PDE4D: variants seen among roughly 807,000 people sequenced by gnomAD.
PDE4D encodes the protein phosphodiesterase 4D, also known as 3',5'-cyclic-AMP phosphodiesterase 4D.
Under a neutral mutation model 87.4 loss-of-function variants are expected in PDE4D, and 24 were observed. The ratio of observed to expected loss-of-function variants is 0.27; its 90% CI spans 0.20 to 0.39. The LOEUF is 0.39. Among genes scored for constraint, PDE4D ranks in the 10% least tolerant of loss-of-function variants. The probability of loss-of-function intolerance (pLI) is 1.00; values close to 1 mark genes in which losing one functional copy is unlikely to be tolerated. For synonymous variants in PDE4D, 384 were observed against 383.2 expected, an observed-to-expected ratio of 1.00 and a Z score of -0.02; for missense variants, 714 against 1,041.0, an observed-to-expected ratio of 0.69 and a Z score of 4.32.
chr5:59,328,113 A>C (rs2153575305), intron 1 of PDE4D, among the ~76,000 whole-genome samples: 1 of 152,326 alleles, frequency 6.6e-6, no homozygotes, highest in South Asian at 2.1e-4. Flanking sequence ...TTTTATTAGA[A>C]ATAGCACAAT....
intron 2 of PDE4D, among the ~76,000 whole-genome samples, chr5:59,992,418 C>G (rs143986201): frequency 1.2e-3 from 184 of 152,266 alleles, no homozygotes; most frequent in African/African-American, 4.2e-3. Context: ...TAACAAACTC[C>G]CTTTCACATA....
intron 1 of PDE4D, among the ~76,000 whole-genome samples, chr5:59,793,596 A>T (rs925169624): frequency 1.3e-5 from 2 of 152,246 alleles, no homozygotes; most frequent in Admixed American, 1.3e-4. Flanking sequence ...AGCCTTTTAA[A>T]GGATGAAGAT....
At chr5:59,658,624 G>A (rs772202891) in intron 1 of PDE4D, among the ~76,000 whole-genome samples, 5 of 152,060 alleles carry the variant, frequency 3.3e-5, no homozygotes, top group African/African-American at 7.2e-5. Context: ...CTGGTGATCC[G>A]CCTGCCTCGG....
At chr5:59,651,274 A>AATG in intron 1 of PDE4D, among the ~76,000 whole-genome samples, 1 of 142,690 alleles carries the variant, frequency 7.0e-6, no homozygotes, top group South Asian at 2.1e-4. Flanking sequence ...TAATAATAAT[A>AATG]ATAATAATAA....
intron 1 of PDE4D, among the ~76,000 whole-genome samples, chr5:60,457,821 C>T (rs1001875725): frequency 1.3e-5 from 2 of 152,146 alleles, no homozygotes; most frequent in East Asian, 1.9e-4. Flanking sequence ...TCCCTTTCTG[C>T]GAGAGCAAAC....
intron 1 of PDE4D, among the ~76,000 whole-genome samples, chr5:59,591,179 A>G (rs1176531928): frequency 6.6e-6 from 1 of 152,194 alleles, no homozygotes; most frequent in Non-Finnish European, 1.5e-5. Flanking sequence ...AAATTACAAA[A>G]ATGTAACAGT....
At chr5:59,244,841 C>T (rs891301001) in intron 1 of PDE4D, among the ~76,000 whole-genome samples, 4 of 149,802 alleles carry the variant, frequency 2.7e-5, no homozygotes, top group African/African-American at 9.8e-5. Context: ...TGTGTATATG[C>T]TTTAAAGGTT....
intron 1 of PDE4D, among the ~76,000 whole-genome samples, chr5:60,338,224 G>A (rs1442175977): frequency 6.6e-6 from 1 of 152,126 alleles, no homozygotes; most frequent in Non-Finnish European, 1.5e-5. Flanking sequence ...TTGGCTAGCT[G>A]GAGGAGAAAA....
chr5:59,772,564 GA>G (rs1374777854), intron 1 of PDE4D, among the ~76,000 whole-genome samples: 1 of 152,180 alleles, frequency 6.6e-6, no homozygotes, highest in African/African-American at 2.4e-5. Context: ...CAAGGAAGAT[GA>G]GATTTTCACA....
At chr5:59,304,079 G>A (rs1171219014) in intron 1 of PDE4D, among the ~76,000 whole-genome samples, 1 of 152,006 alleles carries the variant, frequency 6.6e-6, no homozygotes, top group Non-Finnish European at 1.5e-5. Context: ...GCAGTGTTTT[G>A]TAGTTTTCCT....
intron 1 of PDE4D, among the ~76,000 whole-genome samples, chr5:60,279,551 A>G (rs911154757): frequency 2.0e-5 from 3 of 152,056 alleles, no homozygotes; most frequent in African/African-American, 7.2e-5. Context: ...TACCTGGAAT[A>G]TGGTGGTTAT....
chr5:58,985,362 C>T (rs1746158896), intron 11 of PDE4D, among the ~76,000 whole-genome samples: 1 of 152,238 alleles, frequency 6.6e-6, no homozygotes, highest in Non-Finnish European at 1.5e-5. Context: ...ATTGTTCTCT[C>T]TGCTTGCAGA....
chr5:59,676,874 C>T (rs767482057), intron 1 of PDE4D, among the ~76,000 whole-genome samples: 58 of 151,938 alleles, frequency 3.8e-4, no homozygotes, highest in Non-Finnish European at 5.6e-4. Flanking sequence ...CACTTAATTC[C>T]TCCTATCTAG....
chr5:60,050,734 G>C (rs1770028689), intron 2 of PDE4D, among the ~76,000 whole-genome samples: 1 of 152,202 alleles, frequency 6.6e-6, no homozygotes, highest in African/African-American at 2.4e-5. Flanking sequence ...AAAAGACACA[G>C]ACTGGCAAAT....
At chr5:59,401,398 C>G (rs1034963383) in intron 1 of PDE4D, among the ~76,000 whole-genome samples, 2 of 152,158 alleles carry the variant, frequency 1.3e-5, no homozygotes, top group African/African-American at 2.4e-5. Flanking sequence ...CCACTGCACT[C>G]CAGCCTGGGC....
At chr5:59,208,406 A>G (rs1410855878) in intron 2 of PDE4D, among the ~76,000 whole-genome samples, 1 of 152,226 alleles carries the variant, frequency 6.6e-6, no homozygotes, top group East Asian at 1.9e-4. Flanking sequence ...CTAAGACTTC[A>G]GTATATATCT....
At chr5:59,189,844 G>A (rs934794436) in intron 3 of PDE4D, among the ~76,000 whole-genome samples, 4 of 152,116 alleles carry the variant, frequency 2.6e-5, no homozygotes, top group Non-Finnish European at 5.9e-5. Context: ...GAGCTTACAG[G>A]GGAAAGCATA....
chr5:60,072,278 G>A (rs914044170), intron 2 of PDE4D, among the ~76,000 whole-genome samples: 2 of 152,064 alleles, frequency 1.3e-5, no homozygotes, highest in Admixed American at 1.3e-4. Flanking sequence ...GTGATACTGA[G>A]TTTTTTTCAT....
intron 2 of PDE4D, among the ~76,000 whole-genome samples, chr5:60,083,617 TTA>T (rs1459268888): frequency 6.6e-6 from 1 of 152,216 alleles, no homozygotes; most frequent in Non-Finnish European, 1.5e-5. Context: ...GAGAAGTTTT[TTA>T]GTTTTTTTGT....
Sources: allele counts gnomAD v4.1 joint callset (sites outside exome capture counted in the v4.1 genomes callset), GRCh38; gene constraint gnomAD v4.1.1; transcripts MANE v1.5; gene names NCBI Gene and HGNC (gene_info 2026-07-23, HGNC 2026-07-21).